Variants in DMRTA1 observed in about 807,000 individuals in gnomAD.
DMRTA1 encodes the protein DMRT like family A1, also known as doublesex- and mab-3-related transcription factor A1.
Under a neutral mutation model 35.2 loss-of-function variants are expected in DMRTA1, and 34 were observed. That is an observed-to-expected ratio of 0.97 (90% CI 0.74 to 1.29). The LOEUF (loss-of-function observed/expected upper bound fraction) is 1.29. Ranked by LOEUF, DMRTA1 falls within the 50% of genes most tolerant of loss-of-function variation. DMRTA1 has a pLI of 0.00. For synonymous variants in DMRTA1, 344 were observed against 276.6 expected (o/e 1.24, Z -2.42); for missense variants, 824 against 644.6 (o/e 1.28, Z -3.01).
In DMRTA1 at chr9:22,447,312, G is replaced by T. The variant is rs1309463338; in HGVS notation, c.247G>T (p.Gly83Trp). Residue 83 changes from glycine (G) to tryptophan (W), a missense_variant, in exon 1 of 2, where the codon GGG becomes TGG. Gly to Trp is a radical substitution (Grantham distance 184). Coordinates refer to ENST00000325870, the MANE Select transcript of DMRTA1 (RefSeq NM_022160.3). The part of the protein sequence containing the change: ...GCPPAPGLES[G>W]VGAVGCGYPR... ...CCCGCCGGCTCCCGGGCTGGAGAGC[G>T]GGGTAGGCGCGGTGGGCTGCGGCTA... 3.3e-6 allele frequency: 5 copies of T among 1,520,336 alleles called. No individual in the cohort carries two copies. Among genetic ancestry groups the T allele is most frequent in the Admixed American group, 2.1e-5 (1 of 46,684 alleles). The allele number at this position is 1,520,336 out of a possible 1,614,324, so 94.2% of individuals were successfully genotyped here. A position where few individuals can be genotyped will look rare whatever the true frequency, so the allele number is the denominator to read the frequency against.
chr9:22,451,721 C>T lies in DMRTA1; in HGVS notation c.1325C>T (p.Ser442Phe). ...ATCAGTCCATTAAGGCTGGCATATT[C>T]TTCTGCAGGAAGAGGGTTATCTGGT... ...VGISPLRLAY[S>F]SAGRGLSGFM... is the part of the protein sequence containing the mutation. Residue 442 changes from serine to phenylalanine, a missense_variant, in exon 2 of 2, where the codon TCT (serine) becomes TTT (phenylalanine). By Grantham distance (155) the Ser-to-Phe change is radical. Coordinates refer to ENST00000325870, the MANE Select transcript of DMRTA1 (RefSeq NM_022160.3). 1 of 1,614,090 alleles carries T rather than the reference C, an allele frequency of 6.2e-7. No homozygotes were observed. Among genetic ancestry groups the T allele is most frequent in the African/African-American group, 1.3e-5 (1 of 75,042 alleles).
chr9:22,446,832 G>A lies in DMRTA1; in HGVS notation c.-234G>A. 1.9e-6 allele frequency: 1 copy of A among 532,336 alleles called. No individual in the cohort carries two copies. Among genetic ancestry groups the A allele is most frequent in the Non-Finnish European group, 3.2e-6 (1 of 311,708 alleles). The allele number at this position is 532,336 out of a possible 1,614,324, so 33.0% of individuals were successfully genotyped here. ...GGAGGCACAAAGGCATTAACTTAGCGCCCGGGGTCTCTGCCAGGCTCACGG... is the reference window on the plus strand; with the variant it reads ...GGAGGCACAAAGGCATTAACTTAGCACCCGGGGTCTCTGCCAGGCTCACGG... On this transcript the variant is annotated 5_prime_UTR_variant, in exon 1 of 2. Coordinates refer to ENST00000325870, the MANE Select transcript of DMRTA1 (RefSeq NM_022160.3).
Position 22,455,022 on chromosome 9 carries a change from C to A in DMRTA1, c.*3111C>A, listed in dbSNP as rs141000098. On this transcript the variant is annotated 3_prime_UTR_variant, in exon 2 of 2. Transcript: ENST00000325870. Reference sequence around the variant, plus strand: ...TTCTAAGGCCATGAAAATTAAAACACCCTACCATTATTTATCAATAAAACA... The same window carrying A: ...TTCTAAGGCCATGAAAATTAAAACAACCTACCATTATTTATCAATAAAACA... The A allele has an allele frequency of 6.6e-5, 10 of 152,190 alleles. No individual in the cohort carries two copies. The highest frequency in any genetic ancestry group is 2.4e-4 in the African/African-American group (10 of 41,536). The allele number at this position is 152,190 out of a possible 1,614,324, so 9.4% of individuals were successfully genotyped here.
Position 22,451,967 on chromosome 9 carries a change from G to GCACACACACACA in DMRTA1, c.*64_*65insCACACACACACA. ...TTTCCAGCATACAATACATGCACGT[G>GCACACACACACA]CACACACATACACACACATCCATTA... On this transcript the variant is annotated 3_prime_UTR_variant, in exon 2 of 2. Transcript: ENST00000325870. 1 of 1,580,758 alleles carries GCACACACACACA rather than the reference G, an allele frequency of 6.3e-7. No homozygotes were observed. Among genetic ancestry groups the GCACACACACACA allele is most frequent in the Non-Finnish European group, 8.6e-7 (1 of 1,161,008 alleles).
rs1225238744 is a variant in DMRTA1, at chr9:22,453,760, A to G, written c.*1849A>G. 4 of 152,098 alleles carry G rather than the reference A, an allele frequency of 2.6e-5. No individual in the cohort carries two copies. Among genetic ancestry groups the G allele is most frequent in the African/African-American group, 9.6e-5 (4 of 41,458 alleles). The allele number at this position is 152,098 out of a possible 1,614,324, so 9.4% of individuals were successfully genotyped here. A position where few individuals can be genotyped will look rare whatever the true frequency, so the allele number is the denominator to read the frequency against. On this transcript the variant is annotated 3_prime_UTR_variant, in exon 2 of 2. Coordinates refer to ENST00000325870, the MANE Select transcript of DMRTA1 (RefSeq NM_022160.3). The stretch of plus-strand genomic sequence containing the variant: ...TTCTTGAATCTCCTAAATGGTATTC[A>G]GGTTAGATTCCTTGGTGATTCTTCA...
At chr9:22,448,439 C>G (rs1463273924) in intron 1 of DMRTA1, among the ~76,000 whole-genome samples, 1 of 152,088 alleles carries the variant, frequency 6.6e-6, no homozygotes, top group East Asian at 1.9e-4. Context: ...GTAAGAATTT[C>G]AAAGTTCAAT....
chr9:22,448,595 A>G (rs901747911), intron 1 of DMRTA1, among the ~76,000 whole-genome samples: 1 of 140,032 alleles, frequency 7.1e-6, no homozygotes, highest in African/African-American at 2.8e-5. Context: ...TGAAAATATC[A>G]TTGTGATTTT....
At chr9:22,448,898 T>A (rs1188639802) in intron 1 of DMRTA1, among the ~76,000 whole-genome samples, 1 of 152,172 alleles carries the variant, frequency 6.6e-6, no homozygotes, top group East Asian at 1.9e-4. Context: ...CTTTCTACAA[T>A]TCCCATGAAA....
Position 22,455,543 on chromosome 9 carries a change from C to A in DMRTA1, c.*3632C>A, listed in dbSNP as rs950600585. 1 of 152,172 alleles carries A rather than the reference C, an allele frequency of 6.6e-6. No homozygotes were observed. Among genetic ancestry groups the A allele is most frequent in the South Asian group, 2.1e-4 (1 of 4,828 alleles). The allele number at this position is 152,172 out of a possible 1,614,324, so 9.4% of individuals were successfully genotyped here. ...CGTGGCAGTCTCTCAACAAAGAGTA[C>A]TGTAATTGCATTTAATCCACTTAGT... On this transcript the variant is annotated 3_prime_UTR_variant, in exon 2 of 2. Coordinates refer to ENST00000325870, the MANE Select transcript of DMRTA1 (RefSeq NM_022160.3).
In DMRTA1 at chr9:22,451,227, C is replaced by T; in HGVS notation, c.831C>T (p.Ile277=). The change falls in exon 2 of 2, where the codon ATC becomes ATT. Residue 277 remains isoleucine, a synonymous_variant. Transcript: ENST00000325870. ...AATACTCCAACAAGCCTGATAGTAT[C>T]CTGTCTCCTCATCCTGGAGAGCAAT... ...ISEYSNKPDS[I]LSPHPGEQSG... is the part of the protein sequence containing the mutation. The T allele has an allele frequency of 9.3e-6, 15 of 1,614,082 alleles. No homozygotes were observed. The highest frequency in any genetic ancestry group is 1.3e-5 in the Non-Finnish European group (15 of 1,179,944).
Position 22,447,619 on chromosome 9 carries a change from CGGGCGGCCCTGCGGCGGGGGCTGCGCTG to C in DMRTA1, c.557_584del (p.Gly186AspfsTer5). On this transcript the variant is annotated frameshift_variant, in exon 1 of 2. Transcript: ENST00000325870. LOFTEE classifies it high-confidence loss of function. ...GGCAGAGCCGAGAATCCACAGTCCA[CGGGCGGCCCTGCGGCGGGGGCTGCGCTG>C]GGACTGGGTGCCTTGAGACAGGCCA... The C allele has an allele frequency of 6.2e-7, 1 of 1,610,404 alleles. No homozygotes were observed. The highest frequency in any genetic ancestry group is 8.5e-7 in the Non-Finnish European group (1 of 1,179,270).
chr9:22,447,455 C>G lies in DMRTA1; in HGVS notation c.390C>G (p.Ala130=), dbSNP rs529345917. 3.0e-5 allele frequency: 46 copies of G among 1,553,160 alleles called. No individual in the cohort carries two copies. The East Asian group carries it at 6.1e-4, about 21-fold the overall frequency. ...DCACAKCTLI[A]ERQRVMAAQV... is the part of the protein sequence containing the mutation. ...CGTGTGCCAAGTGCACCCTGATCGCCGAGCGCCAGCGCGTCATGGCCGCCC... is the reference window on the plus strand; with the variant it reads ...CGTGTGCCAAGTGCACCCTGATCGCGGAGCGCCAGCGCGTCATGGCCGCCC... The change falls in exon 1 of 2, where the codon GCC becomes GCG. Residue 130 remains alanine, a synonymous_variant. Coordinates refer to ENST00000325870, the MANE Select transcript of DMRTA1 (RefSeq NM_022160.3).
intron 1 of DMRTA1, among the ~76,000 whole-genome samples, chr9:22,447,962 G>GA: frequency 6.6e-6 from 1 of 152,086 alleles, no homozygotes; most frequent in Non-Finnish European, 1.5e-5. Flanking sequence ...ATGAGATAAT[G>GA]AAAAAATGAA....
At position 22,452,683 on chromosome 9, in the gene DMRTA1, C is replaced by G. The variant is rs1265981152; in HGVS notation, c.*772C>G. On this transcript the variant is annotated 3_prime_UTR_variant, in exon 2 of 2. Coordinates refer to ENST00000325870, the MANE Select transcript of DMRTA1 (RefSeq NM_022160.3). ...TAGAAACATTGATTCCGGAGAATAA[C>G]CATTTTTTTTTCAAATAGTCATTTT... The G allele has an allele frequency of 6.6e-6, 1 of 151,998 alleles. No individual in the cohort carries two copies. Among genetic ancestry groups the G allele is most frequent in the Non-Finnish European group, 1.5e-5 (1 of 67,982 alleles). 9.4% of individuals were successfully genotyped at this position (151,998 alleles called of 1,614,324 possible). A position where few individuals can be genotyped will look rare whatever the true frequency, so the allele number is the denominator to read the frequency against.
chr9:22,446,959 C>G lies in DMRTA1; in HGVS notation c.-107C>G. 1 of 1,414,506 alleles carries G rather than the reference C, an allele frequency of 7.1e-7. No homozygotes were observed. Among genetic ancestry groups the G allele is most frequent in the South Asian group, 1.3e-5 (1 of 75,840 alleles). 87.6% of individuals were successfully genotyped at this position (1,414,506 alleles called of 1,614,324 possible). The stretch of plus-strand genomic sequence containing the variant: ...CTTTTGTCCGTGCGCGGGTGGAGCT[C>G]AGTAGGACCACGGCGCGTCCTGCCC... On this transcript the variant is annotated 5_prime_UTR_variant, in exon 1 of 2. Coordinates refer to ENST00000325870, the MANE Select transcript of DMRTA1 (RefSeq NM_022160.3).
chr9:22,450,710 G>A (rs1304306058), intron 1 of DMRTA1, among the ~76,000 whole-genome samples: 1 of 152,028 alleles, frequency 6.6e-6, no homozygotes, highest in Non-Finnish European at 1.5e-5. Context: ...TGACATTTAG[G>A]AAGATCCCAC....
In DMRTA1 at chr9:22,451,239, T is replaced by C. The variant is rs758212329; in HGVS notation, c.843T>C (p.His281=). 1.2e-6 allele frequency: 2 copies of C among 1,613,992 alleles called. No individual in the cohort carries two copies. The highest frequency in any genetic ancestry group is 4.5e-5 in the East Asian group (2 of 44,892). Residue 281 remains histidine, a synonymous_variant, in exon 2 of 2, where the codon CAT becomes CAC. Transcript: ENST00000325870. ...AGCCTGATAGTATCCTGTCTCCTCA[T>C]CCTGGAGAGCAATCAGGAGGTGAAG... The part of the protein sequence containing the change: ...SNKPDSILSP[H]PGEQSGGEES...
Position 22,447,553 on chromosome 9 carries a change from G to T in DMRTA1, c.488G>T (p.Gly163Val), listed in dbSNP as rs1818855645. ...GGGCTACAGAGGCTCCTGTGCTCGG[G>T]GCTCTCCTGGCCCCCCGGTGGTCGG... ...ARGLQRLLCS[G>V]LSWPPGGRAS... The change falls in exon 1 of 2, where the codon GGG (glycine) becomes GTG (valine). Residue 163 changes from glycine (G) to valine (V), a missense_variant. By Grantham distance (109) the Gly-to-Val change is moderately radical. Coordinates refer to ENST00000325870, the MANE Select transcript of DMRTA1 (RefSeq NM_022160.3). 4 of 1,591,986 alleles carry T rather than the reference G, an allele frequency of 2.5e-6. No individual in the cohort carries two copies. Among genetic ancestry groups the T allele is most frequent in the Non-Finnish European group, 3.4e-6 (4 of 1,169,710 alleles).
At position 22,452,042 on chromosome 9, in the gene DMRTA1, GTTT is replaced by G. The variant is rs56665855; in HGVS notation, c.*141_*143del. The G allele has an allele frequency of 5.7e-4, 479 of 846,650 alleles. No homozygotes were observed. Among genetic ancestry groups the G allele is most frequent in the South Asian group, 7.2e-4 (32 of 44,348 alleles). 52.4% of individuals were successfully genotyped at this position (846,650 alleles called of 1,614,324 possible). On this transcript the variant is annotated 3_prime_UTR_variant, in exon 2 of 2. Coordinates refer to ENST00000325870, the MANE Select transcript of DMRTA1 (RefSeq NM_022160.3). ...GGATTATGAGGTCTTAAAATGCTGG[GTTT>G]TTTTTTTTTCAAGCAATATAATAGG...
Sources: allele counts gnomAD v4.1 joint callset (sites outside exome capture counted in the v4.1 genomes callset), GRCh38; gene constraint gnomAD v4.1.1; transcripts MANE v1.5; gene names NCBI Gene and HGNC (gene_info 2026-07-23, HGNC 2026-07-21).